The following IFT46 variants were observed in gnomAD, a reference collection of about 807,000 sequenced individuals.
IFT46 encodes intraflagellar transport protein 46 homolog.
In IFT46, 19 loss-of-function variants were observed where a neutral mutation model predicts 39.6. The observed-to-expected ratio is 0.48, with a 90% CI of 0.33 to 0.70. The LOEUF (loss-of-function observed/expected upper bound fraction) is 0.70. Ranked by LOEUF, IFT46 falls within the 30% of genes least tolerant of loss-of-function variation. The probability of loss-of-function intolerance (pLI) is 0.01; values close to 1 mark genes in which losing one functional copy is unlikely to be tolerated. For missense variants in IFT46, 334 were observed against 364.8 expected (o/e 0.92, Z 0.69); for synonymous variants, 117 against 134.8 (o/e 0.87, Z 0.91).
At chr11:118,551,923 T>C in intron 8 of IFT46, 71 bp from the exon 9 acceptor site, 1 of 1,429,040 alleles carries the variant, frequency 7.0e-7, no homozygotes. Flanking sequence ...GATCAGCATA[T>C]TCTAGGATGA....
chr11:118,573,364 C>T (rs1434537898), upstream of IFT46, among the ~76,000 whole-genome samples: 1 of 152,174 alleles, frequency 6.6e-6, no homozygotes, highest in Non-Finnish European at 1.5e-5. Context: ...AGACCAGTTA[C>T]TTGCCTTCCC....
chr11:118,548,184 A>G (rs900110920), intron 9 of IFT46, among the ~76,000 whole-genome samples: 22 of 149,666 alleles, frequency 1.5e-4, no homozygotes, highest in Non-Finnish European at 4.4e-5. Context: ...TGCCTGGCCC[A>G]GTTTCCTTTT....
At chr11:118,571,862 C>A (rs11216905) in intron 1 of IFT46, among the ~76,000 whole-genome samples, 22,659 of 151,892 alleles carry the variant, frequency 0.15, 2,244 homozygotes, top group East Asian at 0.52. Flanking sequence ...CTGAGGCGGG[C>A]GGATCACTTG....
upstream of IFT46, chr11:118,565,979 G>A (rs547007278): frequency 6.6e-6 from 1 of 152,270 alleles, no homozygotes; most frequent in South Asian, 2.1e-4. Context: ...GAGACCTCCT[G>A]CGCGTTAAGC....
chr11:118,562,594 T>C (rs1279626981), intron 2 of IFT46, among the ~76,000 whole-genome samples: 2 of 152,148 alleles, frequency 1.3e-5, no homozygotes, highest in Non-Finnish European at 2.9e-5. Flanking sequence ...AATTATAATA[T>C]CCACAGCTGT....
intron 9 of IFT46, among the ~76,000 whole-genome samples, chr11:118,551,308 G>A (rs1158344335): frequency 1.3e-5 from 2 of 151,942 alleles, no homozygotes; most frequent in Non-Finnish European, 2.9e-5. Flanking sequence ...GGGAGGTGGA[G>A]GTTGCCGTGA....
Position 118,554,898 on chromosome 11 carries a change from T to C in IFT46, c.354+92A>G, listed in dbSNP as rs565261500. The C allele has an allele frequency of 1.2e-4, 116 of 954,764 alleles. No individual in the cohort carries two copies. The African/African-American group carries it at 1.5e-3, about 13-fold the overall frequency. The allele number at this position is 954,764 out of a possible 1,614,324, so 59.1% of individuals were successfully genotyped here. On this transcript the variant is annotated intron_variant, in intron 6 of 11. Coordinates refer to ENST00000264021, the MANE Select transcript of IFT46 (RefSeq NM_001168618.2). ...CAATGAAATGAACATGACTAGCCAATGCTAGTCAAAGAAATTAGGGAAACT... is the reference window on the plus strand; with the variant it reads ...CAATGAAATGAACATGACTAGCCAACGCTAGTCAAAGAAATTAGGGAAACT...
intron 2 of IFT46, among the ~76,000 whole-genome samples, chr11:118,563,036 G>A (rs1233136515): frequency 1.3e-5 from 2 of 151,654 alleles, no homozygotes; most frequent in Non-Finnish European, 2.9e-5. Context: ...CTGCACTCCA[G>A]CCTGGGTGAC....
intron 4 of IFT46, 46 bp from the exon 5 acceptor site, chr11:118,555,368 G>A (rs1555069301): frequency 6.9e-6 from 10 of 1,452,754 alleles, no homozygotes; most frequent in South Asian, 1.1e-5. Flanking sequence ...GAGAAGAGCA[G>A]AGGTGGCAGG....
intron 3 of IFT46, chr11:118,557,464 G>A: frequency 2.2e-6 from 1 of 455,934 alleles, no homozygotes; most frequent in Non-Finnish European, 3.9e-6. Context: ...TACTCACAAA[G>A]ACCATAGAGA....
At chr11:118,545,538 C>G (rs2277295) in intron 10 of IFT46, 44 bp from the exon 11 acceptor site, 2 of 1,514,424 alleles carry the variant, frequency 1.3e-6, no homozygotes, top group Non-Finnish European at 1.8e-6. Flanking sequence ...AAACAAACTC[C>G]GGGAATTAGA....
intron 6 of IFT46, 43 bp from the exon 7 acceptor site, chr11:118,554,630 C>CA (rs782292215): frequency 6.4e-7 from 1 of 1,558,100 alleles, no homozygotes; most frequent in South Asian, 1.2e-5. Context: ...AAAATGTTTC[C>CA]AATAAGTTAA....
chr11:118,545,179 T>C (rs1354385414), intron 11 of IFT46, among the ~76,000 whole-genome samples, 168 bp from the exon 12 acceptor site: 1 of 152,112 alleles, frequency 6.6e-6, no homozygotes, highest in Non-Finnish European at 1.5e-5. Context: ...CCTCACCTGA[T>C]TTCATCTAAG....
At chr11:118,560,070 G>A in intron 2 of IFT46, 1 of 563,954 alleles carries the variant, frequency 1.8e-6, no homozygotes. Context: ...TGTGCTTAAG[G>A]CATTGGGTTA....
chr11:118,555,519 G>A (rs562758372), intron 4 of IFT46, 197 bp from the exon 5 acceptor site: 4 of 509,532 alleles, frequency 7.9e-6, no homozygotes, highest in African/African-American at 7.7e-5. Context: ...CTCTGACTCT[G>A]AAGGACAGAG....
At chr11:118,559,954 AT>A in intron 2 of IFT46, 90 bp from the exon 3 acceptor site, 1 of 731,326 alleles carries the variant, frequency 1.4e-6, no homozygotes, top group Non-Finnish European at 2.3e-6. Flanking sequence ...TGCTCTAACC[AT>A]TTTATAAAAC....
intron 9 of IFT46, among the ~76,000 whole-genome samples, chr11:118,548,489 C>T (rs1555067734): frequency 6.6e-6 from 1 of 150,520 alleles, no homozygotes; most frequent in East Asian, 2.0e-4. Context: ...CTCAGTCTTC[C>T]GAGTAGCTGG....
At chr11:118,556,199 A>C (rs1015574787) in intron 4 of IFT46, among the ~76,000 whole-genome samples, 12 of 152,092 alleles carry the variant, frequency 7.9e-5, no homozygotes, top group Middle Eastern at 6.8e-3. Flanking sequence ...ATTTTTAAAA[A>C]ATTTTTGGGC....
At chr11:118,574,249 C>T (rs185899142), upstream of IFT46, among the ~76,000 whole-genome samples, 369 of 152,256 alleles carry the variant, frequency 2.4e-3, 3 homozygotes, top group Non-Finnish European at 4.3e-3. Context: ...GTACATTCTG[C>T]TCTGTAGAGT....
Sources: gnomAD v4.1 joint callset for allele counts (sites outside exome capture counted in the v4.1 genomes callset) on GRCh38, gnomAD v4.1.1 for gene constraint, MANE v1.5 for transcripts, NCBI Gene and HGNC (gene_info 2026-07-23, HGNC 2026-07-21) for gene names.